KAZN: variants seen among roughly 807,000 people sequenced by gnomAD.
The protein encoded by KAZN is kazrin.
A neutral mutation model predicts 87.4 loss-of-function variants in KAZN; 40 were observed. The ratio of observed to expected loss-of-function variants is 0.46; its 90% CI spans 0.36 to 0.60. The LOEUF (loss-of-function observed/expected upper bound fraction) is 0.60. Ranked by LOEUF, KAZN falls within the 20% of genes least tolerant of loss-of-function variation. The pLI is 0.00. For synonymous variants in KAZN, 466 were observed against 458.3 expected (o/e 1.02, Z -0.22); for missense variants, 898 against 1,073.9 (o/e 0.84, Z 2.29).
At chr1:14,263,442 G>A (rs1223953883) in intron 2 of KAZN, among the ~76,000 whole-genome samples, 1 of 152,150 alleles carries the variant, frequency 6.6e-6, no homozygotes, top group African/African-American at 2.4e-5. Context: ...GATAATTGGG[G>A]AGGCTGAGCT....
At position 15,021,144 on chromosome 1, in the gene KAZN, G is replaced by A. The variant is rs6667220; in HGVS notation, c.419-13605G>A. Among the ~76,000 whole-genome samples the A allele has an allele frequency of 0.74, 112,645 of 151,978 alleles. 41,977 individuals carry two copies. Among genetic ancestry groups the A allele is most frequent in the Admixed American group, 0.82 (12,477 of 15,278 alleles). ...GAGTTCCCAAGGCCACACAGCATGC[G>A]GGTTTGCACCCCAGTGTCCTGCCTC... On this transcript the variant is annotated intron_variant, in intron 2 of 14. Coordinates refer to ENST00000376030, the MANE Select transcript of KAZN (RefSeq NM_201628.3). This position sits in a 1 kb window ranked among gnomAD's most constrained non-coding sequence, Gnocchi z 4.2.
Position 14,599,606 on chromosome 1 carries a change from C to CA in KAZN, c.226+384dup, listed in dbSNP as rs1676788307. 6.6e-6 allele frequency among the ~76,000 whole-genome samples: 1 copy of CA among 152,194 alleles called. No homozygotes were observed. Among genetic ancestry groups the CA allele is most frequent in the African/African-American group, 2.4e-5 (1 of 41,462 alleles). On this transcript the variant is annotated intron_variant, in intron 1 of 14. Coordinates refer to ENST00000376030, the MANE Select transcript of KAZN (RefSeq NM_201628.3). This position sits in a 1 kb window ranked among gnomAD's most constrained non-coding sequence, Gnocchi z 4.4. ...CAGGGGTGAATGGCACAGTTCCCCC[C>CA]ACTTCCTTAGGCTCCTTCCCAGAGA...
chr1:13,966,070 G>GT (rs1641931610), intron 1 of KAZN, among the ~76,000 whole-genome samples: 1 of 152,064 alleles, frequency 6.6e-6, no homozygotes, highest in African/African-American at 2.4e-5. Context: ...CATCAGACCC[G>GT]TAACACCGAG....
At position 14,356,855 on chromosome 1, in the gene KAZN, AG is replaced by A. The variant is rs1659070419; in HGVS notation, c.249+176264del. Among the ~76,000 whole-genome samples, 5 of 152,274 alleles carry A rather than the reference AG, an allele frequency of 3.3e-5. No homozygotes were observed. In the South Asian group the frequency reaches 1.0e-3, roughly 32 times the overall value. On this transcript the variant is annotated intron_variant, in intron 2 of 16. Coordinates refer to the KAZN transcript ENST00000636203. ...CTTGTAGTATAGTTTGAAGTCAGGT[AG>A]CAGGATACCTCCAGCTTTGTTCTTT... is the stretch of plus-strand genomic sequence containing the variant.
chr1:14,147,265 G>C (rs887106947), intron 1 of KAZN, among the ~76,000 whole-genome samples: 1 of 151,992 alleles, frequency 6.6e-6, no homozygotes, highest in African/African-American at 2.4e-5. Flanking sequence ...CCACTGCAAG[G>C]GGGTTTTGTG....
chr1:14,771,654 C>T (rs181378305), intron 1 of KAZN, among the ~76,000 whole-genome samples: 147 of 152,054 alleles, frequency 9.7e-4, no homozygotes, highest in African/African-American at 3.3e-3. Context: ...GGTGAAACCC[C>T]GTCTCTACTA....
chr1:14,187,036 T>G (rs1646323221), intron 2 of KAZN, among the ~76,000 whole-genome samples: 1 of 152,072 alleles, frequency 6.6e-6, no homozygotes, highest in Non-Finnish European at 1.5e-5. Flanking sequence ...TTGCCAGCAT[T>G]TTCTCATCTT....
chr1:14,673,527 G>A (rs1640038890), intron 1 of KAZN, among the ~76,000 whole-genome samples: 1 of 152,198 alleles, frequency 6.6e-6, no homozygotes, highest in Non-Finnish European at 1.5e-5. Flanking sequence ...ACGTCAGGGA[G>A]GAAGCGTCCT....
chr1:15,080,281 GGA>G (rs1352785772), intron 8 of KAZN, among the ~76,000 whole-genome samples: 3 of 152,228 alleles, frequency 2.0e-5, no homozygotes, highest in Non-Finnish European at 4.4e-5. Context: ...GCACTCTGCT[GGA>G]CTTTTCTATT....
chr1:14,408,090 T>C (rs1218728011), intron 2 of KAZN, among the ~76,000 whole-genome samples: 1 of 152,234 alleles, frequency 6.6e-6, no homozygotes, highest in African/African-American at 2.4e-5. Context: ...TTGCACAAGC[T>C]GAGAATGATC....
At chr1:14,736,301 A>G (rs61774082) in intron 1 of KAZN, among the ~76,000 whole-genome samples, 1,796 of 100,820 alleles carry the variant, frequency 0.018, 18 homozygotes, top group African/African-American at 0.061. Flanking sequence ...GTGTGTGTGT[A>G]TATTTTTTTT....
rs77167532 is a variant in KAZN, at chr1:14,769,261, A to C, written c.226+170038A>C. On this transcript the variant is annotated intron_variant, in intron 1 of 14. Transcript: ENST00000376030. This position sits in a 1 kb window ranked among gnomAD's most constrained non-coding sequence, Gnocchi z 4.1. ...TGCTTGGGTTAGGATCATCAATGTC[A>C]CCCCCATCTGAATTGCAGAACCACG... Among the ~76,000 whole-genome samples, 1 of 151,874 alleles carries C rather than the reference A, an allele frequency of 6.6e-6. No homozygotes were observed. Among genetic ancestry groups the C allele is most frequent in the African/African-American group, 2.4e-5 (1 of 41,316 alleles).
chr1:13,919,550 C>T (rs1639986589), intron 1 of KAZN, among the ~76,000 whole-genome samples: 1 of 152,140 alleles, frequency 6.6e-6, no homozygotes, highest in Non-Finnish European at 1.5e-5. Flanking sequence ...TACACATATT[C>T]CTAGGAGTAG....
chr1:14,003,903 G>A (rs184696082), intron 1 of KAZN, among the ~76,000 whole-genome samples: 2 of 152,216 alleles, frequency 1.3e-5, no homozygotes, highest in Admixed American at 1.3e-4. Context: ...GAGAGCTTCT[G>A]TTCTTCAACA....
At chr1:14,112,043 G>A (rs965804014) in intron 1 of KAZN, among the ~76,000 whole-genome samples, 1 of 152,012 alleles carries the variant, frequency 6.6e-6, no homozygotes. Flanking sequence ...CAGCCCCTTT[G>A]CCTAGATTCT....
chr1:14,710,948 C>G (rs1642454845), intron 1 of KAZN, among the ~76,000 whole-genome samples: 1 of 152,132 alleles, frequency 6.6e-6, no homozygotes, highest in African/African-American at 2.4e-5. Context: ...CTTAGGGAGG[C>G]CAAGGTGGGA....
chr1:15,007,276 GC>G (rs1293064449), intron 2 of KAZN, among the ~76,000 whole-genome samples: 1 of 152,138 alleles, frequency 6.6e-6, no homozygotes, highest in Non-Finnish European at 1.5e-5. Context: ...TAGGTGAGGG[GC>G]TGGAATATTA....
chr1:14,058,419 T>C (rs546496064), intron 1 of KAZN, among the ~76,000 whole-genome samples: 1 of 152,236 alleles, frequency 6.6e-6, no homozygotes, highest in Admixed American at 6.5e-5. Context: ...TCTAGGGCAG[T>C]GGGCATGGGA....
intron 2 of KAZN, among the ~76,000 whole-genome samples, chr1:14,326,171 A>G (rs12568569): frequency 0.024 from 3,688 of 152,134 alleles, 97 homozygotes; most frequent in East Asian, 0.14. Flanking sequence ...CTGAAATTCT[A>G]GTTTCATCTC....
Sources: allele counts gnomAD v4.1 joint callset (sites outside exome capture counted in the v4.1 genomes callset), GRCh38; gene constraint gnomAD v4.1.1; non-coding constraint Gnocchi (gnomAD v3.1); transcripts MANE v1.5; gene names NCBI Gene and HGNC (gene_info 2026-07-23, HGNC 2026-07-21).